Variants in CCDC180 observed in about 807,000 individuals in gnomAD.
The protein encoded by CCDC180 is coiled-coil domain-containing protein 180.
CCDC180 carries 154 observed loss-of-function variants against 209.2 expected under a neutral mutation model. The ratio of observed to expected loss-of-function variants is 0.74; its 90% confidence interval spans 0.65 to 0.84. The LOEUF (loss-of-function observed/expected upper bound fraction) is 0.84. Ranked by LOEUF, CCDC180 falls within the 40% of genes least tolerant of loss-of-function variation. CCDC180 has a pLI of 0.00. For missense variants in CCDC180, 1,874 were observed against 1,997.3 expected (o/e 0.94, Z 1.18); for synonymous variants, 778 against 749.1 (o/e 1.04, Z -0.63).
chr9:97,330,700 A>AGGAGGG lies in CCDC180; in HGVS notation c.2208_2209insGAGGGG (p.Glu736_Lys737insGluGly), dbSNP rs763158766. On this transcript the variant is annotated inframe_insertion, in exon 18 of 37. Coordinates refer to ENST00000529487, the MANE Select transcript of CCDC180 (RefSeq NM_020893.6). ...GAGAAGGAGGAAGAGGAGGAGGAGG[A>AGGAGGG]GAAGCTGGAGGAAGAGAAGGAGGAG... The AGGAGGG allele has an allele frequency of 6.2e-7, 1 of 1,608,720 alleles. No individual in the cohort carries two copies.
At chr9:97,364,547 G>A (rs1282088573) in intron 29 of CCDC180, 4 of 195,716 alleles carry the variant, frequency 2.0e-5, no homozygotes, top group Non-Finnish European at 4.1e-5. Flanking sequence ...AAAAGCCTTC[G>A]GAGAAAGTCA....
intron 14 of CCDC180, among the ~76,000 whole-genome samples, chr9:97,326,110 T>C (rs1483217739): frequency 6.6e-6 from 1 of 152,230 alleles, no homozygotes; most frequent in African/African-American, 2.4e-5. Flanking sequence ...CAAAGCTCCA[T>C]AACTGGGGCA....
Position 97,325,035 on chromosome 9 carries a change from T to G in CCDC180, c.1388T>G (p.Leu463Arg). 4 of 1,613,864 alleles carry G rather than the reference T, an allele frequency of 2.5e-6. No homozygotes were observed. Among genetic ancestry groups the G allele is most frequent in the Non-Finnish European group, 1.7e-6 (2 of 1,179,900 alleles). The change falls in exon 14 of 37, where the codon CTG becomes CGG. Residue 463 changes from leucine (L) to arginine (R), a missense_variant. Coordinates refer to ENST00000529487, the MANE Select transcript of CCDC180 (RefSeq NM_020893.6). ...LELLDKSFET[L>R]ADQTEWQSSH... Reference sequence around the variant, plus strand: ...CCACTGCAGAAATCCTTCGAGACTCTGGCAGATCAGACAGAGTGGCAGAGT... The same window carrying G: ...CCACTGCAGAAATCCTTCGAGACTCGGGCAGATCAGACAGAGTGGCAGAGT...
intron 25 of CCDC180, 23 bp downstream of exon 25, chr9:97,357,748 A>G (rs748850837): frequency 6.0e-6 from 9 of 1,491,692 alleles, no homozygotes; most frequent in Non-Finnish European, 8.4e-6. Context: ...TAGATTCTGC[A>G]TGTGAATAAT....
At chr9:97,361,515 T>A (rs916362065) in intron 26 of CCDC180, among the ~76,000 whole-genome samples, 1 of 152,104 alleles carries the variant, frequency 6.6e-6, no homozygotes, top group Non-Finnish European at 1.5e-5. Flanking sequence ...CCGGGAAAAT[T>A]TCTAAAGGCA....
chr9:97,330,614 C>A lies in CCDC180; in HGVS notation c.2121C>A (p.Ser707=). The A allele has an allele frequency of 1.2e-6, 2 of 1,613,460 alleles. No homozygotes were observed. The highest frequency in any genetic ancestry group is 1.7e-6 in the Non-Finnish European group (2 of 1,179,868). The change falls in exon 18 of 37, where the codon TCC becomes TCA. Residue 707 remains serine, a synonymous_variant. Transcript: ENST00000529487. ...QVEREGSLNP[S]LNEENVKGQG... Reference sequence around the variant, plus strand: ...AAAGAGAGGGCTCCTTAAACCCATCCCTGAATGAGGAGAATGTGAAGGGTC... The same window carrying A: ...AAAGAGAGGGCTCCTTAAACCCATCACTGAATGAGGAGAATGTGAAGGGTC...
intron 26 of CCDC180, among the ~76,000 whole-genome samples, chr9:97,360,604 C>G (rs35623544): frequency 0.21 from 32,095 of 152,054 alleles, 3,653 homozygotes; most frequent in East Asian, 0.4. Context: ...AAAGTCCAAA[C>G]GCTTTCACTG....
intron 21 of CCDC180, 60 bp downstream of exon 21, chr9:97,349,351 CTG>C: frequency 1.4e-6 from 2 of 1,460,770 alleles, no homozygotes; most frequent in Non-Finnish European, 1.8e-6. Flanking sequence ...AGTTCGGCTG[CTG>C]CTTTCAAAGG....
chr9:97,357,607 C>T lies in CCDC180; in HGVS notation c.3265-20C>T, dbSNP rs368387781. ...AATATGTATTCTAGAAACAAAATCT[C>T]GGAACCTCTGGTTTTCTAGGTGGCA... On this transcript the variant is annotated intron_variant, in intron 24 of 36. Coordinates refer to ENST00000529487, the MANE Select transcript of CCDC180 (RefSeq NM_020893.6). 1.9e-5 allele frequency: 30 copies of T among 1,553,346 alleles called. No homozygotes were observed. The highest frequency in any genetic ancestry group is 2.5e-5 in the Non-Finnish European group (28 of 1,127,860).
At chr9:97,313,534 A>G (rs1286758019) in intron 5 of CCDC180, among the ~76,000 whole-genome samples, 189 bp downstream of exon 5, 2 of 152,104 alleles carry the variant, frequency 1.3e-5, no homozygotes, top group African/African-American at 4.8e-5. Context: ...ACAGGTCCCC[A>G]TAGTTCTTGG....
At chr9:97,347,248 A>G (rs1443940050) in intron 19 of CCDC180, 66 bp from the exon 20 acceptor site, 1 of 1,482,114 alleles carries the variant, frequency 6.7e-7, no homozygotes, top group Non-Finnish European at 9.0e-7. Context: ...TTGGGTCTCC[A>G]TATGGAAAGA....
intron 34 of CCDC180, chr9:97,374,242 A>T (rs924017237): frequency 2.9e-6 from 1 of 349,254 alleles, no homozygotes; most frequent in Non-Finnish European, 5.3e-6. Context: ...GTCTCTATGA[A>T]CCATATCCGG....
intron 20 of CCDC180, among the ~76,000 whole-genome samples, chr9:97,348,225 C>T (rs1826329328): frequency 6.6e-6 from 1 of 152,086 alleles, no homozygotes; most frequent in African/African-American, 2.4e-5. Context: ...TCAGAGAGCC[C>T]CATCACTAAC....
intron 31 of CCDC180, among the ~76,000 whole-genome samples, chr9:97,368,336 C>T (rs1826983928): frequency 6.6e-6 from 1 of 152,144 alleles, no homozygotes; most frequent in East Asian, 1.9e-4. Context: ...GAACTTGAGC[C>T]TCTATTTTCA....
At chr9:97,347,709 ATT>A in intron 20 of CCDC180, 1 of 484,780 alleles carries the variant, frequency 2.1e-6, no homozygotes, top group Non-Finnish European at 3.6e-6. Flanking sequence ...TCTCATTTCC[ATT>A]TTTTTTTCAA....
At position 97,371,648 on chromosome 9, in the gene CCDC180, C is replaced by A; in HGVS notation, c.4542C>A (p.Thr1514=). The change falls in exon 34 of 37, where the codon ACC becomes ACA. Residue 1514 remains threonine, a synonymous_variant. Transcript: ENST00000529487. ...TCATAACCAACTTGGCCACCTTCACCGAGAAGTTCCTACTGCAGTTGGATG... is the reference window on the plus strand; with the variant it reads ...TCATAACCAACTTGGCCACCTTCACAGAGAAGTTCCTACTGCAGTTGGATG... ...QVFITNLATF[T]EKFLLQLDEV... 4 of 1,608,562 alleles carry A rather than the reference C, an allele frequency of 2.5e-6. No homozygotes were observed. The highest frequency in any genetic ancestry group is 3.4e-6 in the Non-Finnish European group (4 of 1,175,584).
chr9:97,347,505 G>A lies in CCDC180; in HGVS notation c.2674+16G>A, dbSNP rs1359066102. The A allele has an allele frequency of 7.8e-6, 12 of 1,533,076 alleles. No homozygotes were observed. Among genetic ancestry groups the A allele is most frequent in the African/African-American group, 1.4e-5 (1 of 73,102 alleles). The allele number at this position is 1,533,076 out of a possible 1,614,324, so 95.0% of individuals were successfully genotyped here. Reference sequence around the variant, plus strand: ...GTCAGGGCAGGTACAGATGCTGCCTGGGAATGTCTGCCCTGCCCGCAGCCA... The same window carrying A: ...GTCAGGGCAGGTACAGATGCTGCCTAGGAATGTCTGCCCTGCCCGCAGCCA... On this transcript the variant is annotated intron_variant, in intron 20 of 36. Transcript: ENST00000529487.
intron 19 of CCDC180, 37 bp downstream of exon 19, chr9:97,343,600 C>T: frequency 2.9e-6 from 4 of 1,388,830 alleles, no homozygotes; most frequent in Non-Finnish European, 3.0e-6. Flanking sequence ...TCCTGTTGTT[C>T]TGAGTTTTGT....
In CCDC180 at chr9:97,323,893, A is replaced by C; in HGVS notation, c.1361A>C (p.Glu454Ala). 6.4e-7 allele frequency: 1 copy of C among 1,554,240 alleles called. No individual in the cohort carries two copies. Among genetic ancestry groups the C allele is most frequent in the Non-Finnish European group, 8.7e-7 (1 of 1,148,574 alleles). ...ALQGKVEEDL[E>A]LLDKSFETLA... is the part of the protein sequence containing the mutation. The stretch of plus-strand genomic sequence containing the variant: ...CAGGGCAAAGTGGAGGAGGACCTGG[A>C]GCTCTTGGACGTGCGTGCTGGGGAC... Residue 454 changes from glutamate (E) to alanine (A), a missense_variant, in exon 13 of 37, where the codon GAG (glutamate) becomes GCG (alanine). Glu to Ala is a moderately radical substitution (Grantham distance 107, BLOSUM62 -1). Transcript: ENST00000529487.
Sources: gnomAD v4.1 joint callset for allele counts (sites outside exome capture counted in the v4.1 genomes callset) on GRCh38, gnomAD v4.1.1 for gene constraint, MANE v1.5 for transcripts, NCBI Gene and HGNC (gene_info 2026-07-23, HGNC 2026-07-21) for gene names.